The following HCN1 variants were observed in gnomAD, a reference collection of about 807,000 sequenced individuals.
HCN1 encodes potassium/sodium hyperpolarization-activated cyclic nucleotide-gated channel 1.
In HCN1, 13 loss-of-function variants were observed where a neutral mutation model predicts 78.9. The ratio of observed to expected loss-of-function variants is 0.16; its 90% CI spans 0.11 to 0.26. HCN1 has a LOEUF of 0.26. HCN1 is among the 10% of genes least tolerant of loss of function. The pLI, the probability that HCN1 is intolerant of heterozygous loss-of-function variation, is 1.00. For synonymous variants in HCN1, 552 were observed against 455.5 expected, an observed-to-expected ratio of 1.21 and a Z score of -2.70; for missense variants, 810 against 1,154.3, an observed-to-expected ratio of 0.70 and a Z score of 4.32.
chr5:45,390,713 G>A (rs1013101345), intron 4 of HCN1, among the ~76,000 whole-genome samples: 6 of 151,998 alleles, frequency 3.9e-5, no homozygotes, highest in African/African-American at 1.4e-4. Context: ...GAAAAATCAT[G>A]GGATATGTGA....
intron 2 of HCN1, among the ~76,000 whole-genome samples, chr5:45,560,435 CTCA>C (rs1414857223): frequency 6.6e-6 from 1 of 151,892 alleles, no homozygotes; most frequent in African/African-American, 2.4e-5. Flanking sequence ...TATTTCATAG[CTCA>C]TCATTATGTA....
At chr5:45,412,970 A>G (rs766717372) in intron 3 of HCN1, among the ~76,000 whole-genome samples, 10 of 152,120 alleles carry the variant, frequency 6.6e-5, no homozygotes, top group Non-Finnish European at 1.3e-4. Flanking sequence ...AGTTTTGAAC[A>G]TTCTTGGCTT....
intron 2 of HCN1, among the ~76,000 whole-genome samples, chr5:45,527,961 T>C (rs1423131104): frequency 2.6e-5 from 4 of 151,180 alleles, no homozygotes; most frequent in African/African-American, 9.7e-5. Flanking sequence ...CCAAAAATAC[T>C]CTATAGTCCT....
At chr5:45,269,047 C>T (rs567132767) in intron 6 of HCN1, among the ~76,000 whole-genome samples, 1 of 152,318 alleles carries the variant, frequency 6.6e-6, no homozygotes, top group Admixed American at 6.5e-5. Context: ...AGAAGACAGA[C>T]ATGAGAAGCC....
intron 3 of HCN1, among the ~76,000 whole-genome samples, chr5:45,410,852 G>T (rs191806420): frequency 4.6e-5 from 7 of 152,106 alleles, no homozygotes; most frequent in Admixed American, 2.0e-4. Flanking sequence ...AGTATGAAAG[G>T]CTTCTGTGTC....
At chr5:45,446,337 A>G (rs1490572101) in intron 3 of HCN1, among the ~76,000 whole-genome samples, 6 of 152,236 alleles carry the variant, frequency 3.9e-5, no homozygotes, top group Non-Finnish European at 2.9e-5. Flanking sequence ...AAGTTTAGAC[A>G]TGAAGAATAA....
chr5:45,317,036 A>G (rs1287614122), intron 5 of HCN1, among the ~76,000 whole-genome samples: 4 of 152,120 alleles, frequency 2.6e-5, no homozygotes, highest in Admixed American at 1.3e-4. Flanking sequence ...GCTACCAATG[A>G]CTTTCTTCAA....
chr5:45,518,643 G>A (rs1015470490), intron 2 of HCN1, among the ~76,000 whole-genome samples: 1 of 151,980 alleles, frequency 6.6e-6, no homozygotes, highest in African/African-American at 2.4e-5. Context: ...AGGGGCTGAA[G>A]AGAATCAAAA....
chr5:45,598,043 T>G lies in HCN1; in HGVS notation c.849+47142A>C, dbSNP rs562964737. Among the ~76,000 whole-genome samples the G allele has an allele frequency of 2.6e-5, 4 of 152,202 alleles. No homozygotes were observed. In the South Asian group the frequency reaches 8.3e-4, roughly 32 times the overall value. On this transcript the variant is annotated intron_variant, in intron 2 of 7. Transcript: ENST00000303230. Reference sequence around the variant, plus strand: ...CCCATCAAGCTACCAATGACTTTGTTCACAGAATTGGAAAAAAACTACTTT... The same window carrying G: ...CCCATCAAGCTACCAATGACTTTGTGCACAGAATTGGAAAAAAACTACTTT...
At chr5:45,373,141 T>C (rs1288947306) in intron 4 of HCN1, among the ~76,000 whole-genome samples, 5 of 124,760 alleles carry the variant, frequency 4.0e-5, no homozygotes, top group African/African-American at 9.1e-5. Context: ...ATATATAGTA[T>C]ATAATATATA....
intron 3 of HCN1, among the ~76,000 whole-genome samples, chr5:45,424,057 C>T (rs1740285604): frequency 1.4e-5 from 2 of 144,406 alleles, no homozygotes; most frequent in South Asian, 2.1e-4. Context: ...GGGCGGATCA[C>T]GAGGTCAGGA....
At chr5:45,311,754 G>C (rs953939897) in intron 5 of HCN1, among the ~76,000 whole-genome samples, 4 of 152,202 alleles carry the variant, frequency 2.6e-5, no homozygotes, top group African/African-American at 9.7e-5. Context: ...CATGAGACCT[G>C]CAGCTTTATT....
chr5:45,433,514 T>C (rs1740504971), intron 3 of HCN1, among the ~76,000 whole-genome samples: 1 of 152,032 alleles, frequency 6.6e-6, no homozygotes, highest in Non-Finnish European at 1.5e-5. Context: ...CATTGGGTTT[T>C]GCTTCTTTAT....
chr5:45,395,196 G>A (rs1739663548), intron 4 of HCN1, among the ~76,000 whole-genome samples: 1 of 151,738 alleles, frequency 6.6e-6, no homozygotes, highest in Admixed American at 6.6e-5. Flanking sequence ...TTTATTAAAA[G>A]CAACATAAAA....
At chr5:45,561,211 T>G in intron 2 of HCN1, among the ~76,000 whole-genome samples, 1 of 152,160 alleles carries the variant, frequency 6.6e-6, no homozygotes, top group East Asian at 1.9e-4. Flanking sequence ...TTTAATATGT[T>G]TAGTTGATAC....
At chr5:45,265,898 G>T (rs1421778960) in intron 7 of HCN1, among the ~76,000 whole-genome samples, 1 of 152,166 alleles carries the variant, frequency 6.6e-6, no homozygotes, top group Non-Finnish European at 1.5e-5. Flanking sequence ...AGCTTCAGAG[G>T]CTATAGGAGA....
At chr5:45,383,763 T>C (rs1747859655) in intron 4 of HCN1, among the ~76,000 whole-genome samples, 1 of 152,084 alleles carries the variant, frequency 6.6e-6, no homozygotes, top group Non-Finnish European at 1.5e-5. Context: ...AACTATTAAC[T>C]TTAATTAATC....
intron 5 of HCN1, among the ~76,000 whole-genome samples, chr5:45,337,197 G>C (rs1362657657): frequency 6.6e-6 from 1 of 151,854 alleles, no homozygotes; most frequent in Non-Finnish European, 1.5e-5. Context: ...TAAACACGGA[G>C]AACTTTTAAA....
chr5:45,603,290 T>C (rs978661953), intron 2 of HCN1, among the ~76,000 whole-genome samples: 5 of 152,094 alleles, frequency 3.3e-5, no homozygotes, highest in African/African-American at 1.2e-4. Context: ...TTAAGATATA[T>C]ATGGATCGTA....
Sources: gnomAD v4.1 joint callset for allele counts (sites outside exome capture counted in the v4.1 genomes callset) on GRCh38, gnomAD v4.1.1 for gene constraint, MANE v1.5 for transcripts, NCBI Gene and HGNC (gene_info 2026-07-23, HGNC 2026-07-21) for gene names.